Variants in GOLM1 observed in about 807,000 individuals in gnomAD.
GOLM1 encodes golgi membrane protein 1, also known as epididymis luminal protein 46.
A neutral mutation model predicts 50.5 loss-of-function variants in GOLM1; 31 were observed. That is an observed-to-expected ratio of 0.61 (90% CI 0.46 to 0.83). GOLM1 has a LOEUF of 0.83. Among genes scored for constraint, GOLM1 ranks in the 40% least tolerant of loss-of-function variants. GOLM1 has a pLI of 0.00. For synonymous variants in GOLM1, 178 were observed against 192.8 expected (o/e 0.92, Z 0.64); for missense variants, 491 against 501.3 (o/e 0.98, Z 0.20).
chr9:86,079,547 G>A (rs1016010495), intron 1 of GOLM1: 9 of 401,806 alleles, frequency 2.2e-5, no homozygotes, highest in Middle Eastern at 6.4e-4. Context: ...AGGGCAGTGT[G>A]GCCAGTTCCC....
rs376229951 is a variant in GOLM1, at chr9:86,038,538, TG to T, written c.598-2032del. Among the ~76,000 whole-genome samples, 187 of 152,248 alleles carry T rather than the reference TG, an allele frequency of 1.2e-3. 4 individuals are homozygous for T. In the South Asian group the frequency reaches 0.032, roughly 26 times the overall value. On this transcript the variant is annotated intron_variant, in intron 6 of 9. Coordinates refer to ENST00000388712, the MANE Select transcript of GOLM1 (RefSeq NM_016548.4). Reference sequence around the variant, plus strand: ...GCCCATTCCAGCCACTTTGTCCCACTGGGGTAGGGAGTGGGTACTGAAGAGA... The same window carrying T: ...GCCCATTCCAGCCACTTTGTCCCACTGGGTAGGGAGTGGGTACTGAAGAGA...
rs185981848 is a variant in GOLM1 at position 86,093,228 on chromosome 9, T to C, written c.-22+6183A>G. On this transcript the variant is annotated intron_variant, in intron 1 of 9. Coordinates refer to ENST00000388712, the MANE Select transcript of GOLM1 (RefSeq NM_016548.4). ...AACCCTGTCTCTACTAAAAATACAA[T>C]TAGCTGGGCATGGTGGTGTGTGCCT... is the stretch of plus-strand genomic sequence containing the variant. 2.2e-3 allele frequency among the ~76,000 whole-genome samples: 337 copies of C among 152,072 alleles called. 1 individual carries two copies. Among genetic ancestry groups the C allele is most frequent in the Non-Finnish European group, 3.1e-3 (214 of 67,966 alleles).
At chr9:86,054,318 G>A (rs954324971) in intron 3 of GOLM1, among the ~76,000 whole-genome samples, 3 of 151,400 alleles carry the variant, frequency 2.0e-5, no homozygotes, top group East Asian at 1.9e-4. Context: ...CCAGGCTGGG[G>A]TGCAATGGCG....
intron 1 of GOLM1, among the ~76,000 whole-genome samples, chr9:86,096,907 A>C (rs1835369902): frequency 6.6e-6 from 1 of 152,164 alleles, no homozygotes; most frequent in African/African-American, 2.4e-5. Context: ...GCAAATTACA[A>C]TATAAACAAC....
At chr9:86,099,980 G>A (rs770920869), upstream of GOLM1, 2 of 152,288 alleles carry the variant, frequency 1.3e-5, no homozygotes, top group Non-Finnish European at 2.9e-5. Context: ...ACTGCCCAGA[G>A]AAGGAAGCGA....
chr9:86,090,627 G>A (rs543071353), intron 1 of GOLM1, among the ~76,000 whole-genome samples: 1 of 152,078 alleles, frequency 6.6e-6, no homozygotes, highest in East Asian at 1.9e-4. Flanking sequence ...TCAGACTGCT[G>A]TGCTGGCAGC....
chr9:86,040,194 C>A (rs1347330472), intron 6 of GOLM1, among the ~76,000 whole-genome samples: 1 of 152,104 alleles, frequency 6.6e-6, no homozygotes, highest in Non-Finnish European at 1.5e-5. Flanking sequence ...TGAATATACT[C>A]AGAACCCATG....
chr9:86,095,108 A>G (rs2118911855), intron 1 of GOLM1, among the ~76,000 whole-genome samples: 2 of 152,144 alleles, frequency 1.3e-5, no homozygotes, highest in Admixed American at 1.3e-4. Flanking sequence ...AAGAAAAGAA[A>G]AAAGAATACA....
At position 86,033,280 on chromosome 9, in the gene GOLM1, A is replaced by ACCATCTATGTTTCTGTCATTCCCTG; in HGVS notation, c.1106_1129+1dup. 1 of 1,542,350 alleles carries ACCATCTATGTTTCTGTCATTCCCTG rather than the reference A, an allele frequency of 6.5e-7. No individual in the cohort carries two copies. The highest frequency in any genetic ancestry group is 9.0e-7 in the Non-Finnish European group (1 of 1,114,302). ...CGTCACCGATGTAGGCCCCATTCTT[A>ACCATCTATGTTTCTGTCATTCCCTG]CCATCTATGTTTCTGTCATTCCCTG... is the stretch of plus-strand genomic sequence containing the variant. On this transcript the variant is annotated splice_donor_variant, in intron 9 of 9. Transcript: ENST00000388712. LOFTEE classifies it high-confidence loss of function.
upstream of GOLM1, chr9:86,099,597 C>CGGCGGCGCGAAGGGAGGA (rs1400834199): frequency 1.1e-4 from 17 of 148,140 alleles, no homozygotes; most frequent in South Asian, 2.1e-4. Flanking sequence ...CGAGCAGCGC[C>CGGCGGCGCGAAGGGAGGA]GGCGGCGCGA....
chr9:86,048,503 A>G (rs950727866), intron 4 of GOLM1, among the ~76,000 whole-genome samples: 1 of 152,096 alleles, frequency 6.6e-6, no homozygotes, highest in Non-Finnish European at 1.5e-5. Context: ...GTGTAAAAGC[A>G]TTCCTATTTC....
At chr9:86,076,725 C>T (rs1834627490) in intron 3 of GOLM1, among the ~76,000 whole-genome samples, 1 of 151,610 alleles carries the variant, frequency 6.6e-6, no homozygotes, top group Admixed American at 6.6e-5. Context: ...ATTAGCTGGG[C>T]GTGGTGGCAG....
intron 3 of GOLM1, among the ~76,000 whole-genome samples, chr9:86,070,766 T>G (rs947569610): frequency 2.6e-5 from 4 of 152,050 alleles, no homozygotes; most frequent in African/African-American, 9.7e-5. Flanking sequence ...AGTAACAGTC[T>G]CAAACCCATG....
At chr9:86,095,426 A>T (rs55964538) in intron 1 of GOLM1, among the ~76,000 whole-genome samples, 62,892 of 112,234 alleles carry the variant, frequency 0.56, 15,297 homozygotes, top group Non-Finnish European at 0.61. Context: ...TTTTTTTTTT[A>T]AAATAGAGAT....
intron 3 of GOLM1, among the ~76,000 whole-genome samples, chr9:86,057,834 C>T (rs767558035): frequency 3.3e-5 from 5 of 152,298 alleles, no homozygotes; most frequent in African/African-American, 7.2e-5. Context: ...GGGTGTCCAC[C>T]GAGCCTGGCT....
At position 86,077,535 on chromosome 9, in the gene GOLM1, G is replaced by T. The variant is rs1191878714; in HGVS notation, c.186C>A (p.Ala62=). The T allele has an allele frequency of 6.2e-7, 1 of 1,613,230 alleles. No individual in the cohort carries two copies. Among genetic ancestry groups the T allele is most frequent in the African/African-American group, 1.3e-5 (1 of 75,012 alleles). The change falls in exon 3 of 10, where the codon GCC becomes GCA. Residue 62 remains alanine, a synonymous_variant. Coordinates refer to ENST00000388712, the MANE Select transcript of GOLM1 (RefSeq NM_016548.4). ...GGAACTCGTTCTTCTTCAGCTCCAC[G>T]GCGCCTCTCTCTGCAGCCGCCCTGC... ...RVRRAAAERG[A]VELKKNEFQG...
chr9:86,079,174 A>G lies in GOLM1; in HGVS notation c.129+18T>C. On this transcript the variant is annotated intron_variant, in intron 2 of 9. Coordinates refer to ENST00000388712, the MANE Select transcript of GOLM1 (RefSeq NM_016548.4). The stretch of plus-strand genomic sequence containing the variant: ...ACATAAACATAAAATAAACATAACA[A>G]TAAAGAAAACAAAACACCTGGAGGT... 1 of 1,511,432 alleles carries G rather than the reference A, an allele frequency of 6.6e-7. No homozygotes were observed. Among genetic ancestry groups the G allele is most frequent in the Non-Finnish European group, 8.9e-7 (1 of 1,128,470 alleles). 93.6% of individuals were successfully genotyped at this position (1,511,432 alleles called of 1,614,324 possible).
At chr9:86,088,880 G>A (rs555555529) in intron 1 of GOLM1, among the ~76,000 whole-genome samples, 34 of 152,198 alleles carry the variant, frequency 2.2e-4, no homozygotes, top group African/African-American at 7.2e-4. Context: ...AATTTGGTAC[G>A]CTTTTGCAGT....
intron 9 of GOLM1, among the ~76,000 whole-genome samples, chr9:86,030,771 A>G (rs1480241317): frequency 1.3e-5 from 2 of 152,238 alleles, no homozygotes; most frequent in Non-Finnish European, 2.9e-5. Flanking sequence ...CTGTGGTTAT[A>G]TAAGATGTTA....
Sources: allele counts gnomAD v4.1 joint callset (sites outside exome capture counted in the v4.1 genomes callset), GRCh38; gene constraint gnomAD v4.1.1; transcripts MANE v1.5; gene names NCBI Gene and HGNC (gene_info 2026-07-23, HGNC 2026-07-21).